LAMA4: variants seen among roughly 807,000 people sequenced by gnomAD.
LAMA4 encodes the protein laminin subunit alpha 4, also known as laminin subunit alpha-4.
In LAMA4, 127 loss-of-function variants were observed where a neutral mutation model predicts 207.1. The ratio of observed to expected loss-of-function variants is 0.61; its 90% CI spans 0.53 to 0.71. The LOEUF is 0.71. LAMA4 is among the 30% of genes least tolerant of loss of function. The probability of loss-of-function intolerance (pLI) is 0.00; values close to 1 mark genes in which losing one functional copy is unlikely to be tolerated. For synonymous variants in LAMA4, 761 were observed against 816.0 expected (o/e 0.93, Z 1.15); for missense variants, 2,093 against 2,246.5 (o/e 0.93, Z 1.38).
chr6:112,126,324 AT>A (rs1257086488), intron 31 of LAMA4, among the ~76,000 whole-genome samples: 17 of 152,170 alleles, frequency 1.1e-4, no homozygotes, highest in Non-Finnish European at 2.5e-4. Context: ...AGATAAAAAA[AT>A]TTTCAGGATA....
In LAMA4 at chr6:112,109,294, C is replaced by T. The variant is rs587621110; in HGVS notation, c.*143G>A. 6.7e-5 allele frequency: 58 copies of T among 861,662 alleles called. No individual in the cohort carries two copies. The African/African-American group carries it at 7.6e-4, about 11-fold the overall frequency. The allele number at this position is 861,662 out of a possible 1,614,324, so 53.4% of individuals were successfully genotyped here. A position where few individuals can be genotyped will look rare whatever the true frequency, so the allele number is the denominator to read the frequency against. On this transcript the variant is annotated 3_prime_UTR_variant, in exon 39 of 39. Transcript: ENST00000230538. The stretch of plus-strand genomic sequence containing the variant: ...ATCCAAATGAGAAATAAGAAATATC[C>T]GGTCCCTGATGATTCGTTTAAGTCC...
At chr6:112,212,309 C>T (rs1784395647) in intron 3 of LAMA4, among the ~76,000 whole-genome samples, 1 of 151,602 alleles carries the variant, frequency 6.6e-6, no homozygotes, top group East Asian at 1.9e-4. Flanking sequence ...CTGCAACCTC[C>T]ACTTCCTGGG....
intron 9 of LAMA4, chr6:112,179,354 T>A (rs1444741936): frequency 6.6e-6 from 1 of 152,302 alleles, no homozygotes; most frequent in Non-Finnish European, 1.5e-5. Flanking sequence ...CCACCCTGTA[T>A]GCACAGCATG....
intron 13 of LAMA4, among the ~76,000 whole-genome samples, chr6:112,164,920 G>T (rs782733143): frequency 2.0e-5 from 3 of 152,158 alleles, no homozygotes; most frequent in Non-Finnish European, 4.4e-5. Context: ...GACTTGAAAA[G>T]TGGCTAATGT....
At chr6:112,167,902 G>T (rs1218009790) in intron 12 of LAMA4, among the ~76,000 whole-genome samples, 1 of 141,846 alleles carries the variant, frequency 7.0e-6, no homozygotes, top group Non-Finnish European at 1.5e-5. Flanking sequence ...ACAGAGTTAT[G>T]CATTCAGCAA....
In LAMA4 at chr6:112,252,503, G is replaced by A. The variant is rs192687881; in HGVS notation, c.195+1453C>T. ...TAACAGATACAAATACAGGATGCCC[G>A]GATAAATTTGAATTTCAGATGAACA... is the stretch of plus-strand genomic sequence containing the variant. On this transcript the variant is annotated intron_variant, in intron 2 of 38. Transcript: ENST00000230538. Among the ~76,000 whole-genome samples, 12 of 152,048 alleles carry A rather than the reference G, an allele frequency of 7.9e-5. No individual in the cohort carries two copies. The East Asian group carries it at 1.4e-3, about 17-fold the overall frequency.
chr6:112,200,554 A>G (rs1371467958), intron 5 of LAMA4, among the ~76,000 whole-genome samples: 10 of 152,222 alleles, frequency 6.6e-5, no homozygotes, highest in African/African-American at 2.4e-4. Flanking sequence ...AGGATTATAA[A>G]TCATTCTACT....
At chr6:112,234,135 G>A (rs1785732395) in intron 2 of LAMA4, 1 of 152,168 alleles carries the variant, frequency 6.6e-6, no homozygotes, top group Admixed American at 6.5e-5. Flanking sequence ...TAGGAAGAAC[G>A]TCATTCAACT....
intron 19 of LAMA4, among the ~76,000 whole-genome samples, chr6:112,144,202 A>G (rs555810761): frequency 6.6e-6 from 1 of 152,332 alleles, no homozygotes; most frequent in South Asian, 2.1e-4. Flanking sequence ...AGCCCTAGTT[A>G]TCTTCTGCTA....
In LAMA4 at chr6:112,117,965, GA is replaced by G. The variant is rs1778125255; in HGVS notation, c.4822-68del. 1.5e-6 allele frequency: 2 copies of G among 1,358,736 alleles called. No homozygotes were observed. Among genetic ancestry groups the G allele is most frequent in the Non-Finnish European group, 2.1e-6 (2 of 951,990 alleles). The allele number at this position is 1,358,736 out of a possible 1,614,324, so 84.2% of individuals were successfully genotyped here. A position where few individuals can be genotyped will look rare whatever the true frequency, so the allele number is the denominator to read the frequency against. ...CAAATGCACCAAGGGGAAGCAAAAT[GA>G]GGGGGTTTGAGTCCTGAAGGAACCC... On this transcript the variant is annotated intron_variant, in intron 34 of 38. Coordinates refer to ENST00000230538, the MANE Select transcript of LAMA4 (RefSeq NM_001105206.3). The surrounding 1 kb of genome is among the most constrained non-coding windows in gnomAD (Gnocchi z 4.5).
intron 32 of LAMA4, 48 bp from the exon 33 acceptor site, chr6:112,120,520 G>T: frequency 7.1e-7 from 1 of 1,408,144 alleles, no homozygotes; most frequent in Non-Finnish European, 1.0e-6. Flanking sequence ...TGAGACTGAG[G>T]ATAATCTCTA....
chr6:112,126,178 AT>A (rs1315857460), intron 31 of LAMA4, among the ~76,000 whole-genome samples: 1 of 152,192 alleles, frequency 6.6e-6, no homozygotes, highest in Non-Finnish European at 1.5e-5. Context: ...GGGAAATCAC[AT>A]TTGATAGACA....
Position 112,140,830 on chromosome 6 carries a change from T to A in LAMA4, c.2906A>T (p.Asp969Val). ...AGGGTCCAGGTCCAGCAGAGAGTCA[T>A]CTCCCGAAAATTCCCCCTTTTTAAT... ...KFIKKGEFSG[D>V]DSLLDLDPED... is the part of the protein sequence containing the mutation. Residue 969 changes from aspartate to valine, a missense_variant, in exon 22 of 39, where the codon GAT becomes GTT. Physicochemically the swap from Asp to Val is radical, Grantham distance 152 (BLOSUM62 -3). Coordinates refer to ENST00000230538, the MANE Select transcript of LAMA4 (RefSeq NM_001105206.3). The A allele has an allele frequency of 6.2e-7, 1 of 1,614,022 alleles. No homozygotes were observed. The highest frequency in any genetic ancestry group is 1.1e-5 in the South Asian group (1 of 91,062).
rs1554320872 is a variant in LAMA4, at chr6:112,109,440, G to A, written c.5469C>T (p.Ala1823=). Reference sequence around the variant, plus strand: ...TGGGCAGCTGTGCTCTGTCATGTCAGGCTGCTGGACAGGAGTTGATGCTTA... The same window carrying A: ...TGGGCAGCTGTGCTCTGTCATGTCAAGCTGCTGGACAGGAGTTGATGCTTA... The part of the protein sequence containing the change: ...GAVSINSCPA[A] Residue 1823 remains alanine, a synonymous_variant, in exon 39 of 39, where the codon GCC becomes GCT. Transcript: ENST00000230538. 6.2e-7 allele frequency: 1 copy of A among 1,613,904 alleles called. No homozygotes were observed. The highest frequency in any genetic ancestry group is 1.7e-5 in the Admixed American group (1 of 59,992).
In LAMA4 at chr6:112,139,278, AG is replaced by A; in HGVS notation, c.3123del (p.Phe1042SerfsTer19). ...TAACTGGCAGCCCGACTCTGAGTGA[AG>A]GCCAGCTTATCTCTGAAATGGAAAC... Reference protein sequence around the residue: ...TSVPCARDKLAFTQSRAASYF... With the variant: ...TSVPCARDKLXFTQSRAASYF... On this transcript the variant is annotated frameshift_variant, in exon 24 of 39. Coordinates refer to ENST00000230538, the MANE Select transcript of LAMA4 (RefSeq NM_001105206.3). LOFTEE classifies it high-confidence loss of function. The A allele has an allele frequency of 6.2e-7, 1 of 1,614,172 alleles. No homozygotes were observed. Among genetic ancestry groups the A allele is most frequent in the Non-Finnish European group, 8.5e-7 (1 of 1,179,994 alleles).
chr6:112,241,151 A>ATATATATATT (rs1786436542), intron 2 of LAMA4, among the ~76,000 whole-genome samples: 1 of 60,388 alleles, frequency 1.7e-5, no homozygotes, highest in Non-Finnish European at 4.1e-5. Flanking sequence ...ATATATATGA[A>ATATATATATT]TATATATATG....
chr6:112,138,070 A>G lies in LAMA4; in HGVS notation c.3282+1050T>C, dbSNP rs560380459. On this transcript the variant is annotated intron_variant, in intron 24 of 38. Coordinates refer to ENST00000230538, the MANE Select transcript of LAMA4 (RefSeq NM_001105206.3). ...GGGAACAATGTAAATGCAATCCTAC[A>G]AAAACTCTCCTATCAGCTCTATTAA... Among the ~76,000 whole-genome samples, 3 of 152,310 alleles carry G rather than the reference A, an allele frequency of 2.0e-5. No homozygotes were observed. In the South Asian group the frequency reaches 6.2e-4, roughly 32 times the overall value.
chr6:112,189,604 T>G (rs1562712407), intron 6 of LAMA4, among the ~76,000 whole-genome samples: 1 of 152,136 alleles, frequency 6.6e-6, no homozygotes, highest in Non-Finnish European at 1.5e-5. Context: ...GATACTCCAG[T>G]TTAATTTAAC....
At chr6:112,175,260 C>A in intron 11 of LAMA4, 53 bp downstream of exon 11, 1 of 1,569,582 alleles carries the variant, frequency 6.4e-7, no homozygotes, top group Non-Finnish European at 8.8e-7. Context: ...TGCTATTGGA[C>A]CCACAAAGAG....
Sources: allele counts gnomAD v4.1 joint callset (sites outside exome capture counted in the v4.1 genomes callset), GRCh38; gene constraint gnomAD v4.1.1; non-coding constraint Gnocchi (gnomAD v3.1); transcripts MANE v1.5; gene names NCBI Gene and HGNC (gene_info 2026-07-23, HGNC 2026-07-21).